Variants in ABHD12 observed in about 807,000 individuals in gnomAD.
ABHD12 encodes lysophosphatidylserine lipase ABHD12.
Under a neutral mutation model 58.3 loss-of-function variants are expected in ABHD12, and 43 were observed. The ratio of observed to expected loss-of-function variants is 0.74; its 90% confidence interval spans 0.58 to 0.95. ABHD12 has a LOEUF of 0.95. ABHD12 is among the 40% of genes least tolerant of loss of function. The pLI is 0.00. For synonymous variants in ABHD12, 219 were observed against 211.2 expected (o/e 1.04, Z -0.32); for missense variants, 539 against 537.2 (o/e 1.00, Z -0.03).
intron 1 of ABHD12, among the ~76,000 whole-genome samples, chr20:25,346,880 G>A (rs2089526486): frequency 1.3e-5 from 2 of 152,126 alleles, no homozygotes; most frequent in African/African-American, 4.8e-5. Flanking sequence ...TCCTGACCTT[G>A]TGATCCACCC....
chr20:25,362,952 C>A (rs1382816584), intron 1 of ABHD12, among the ~76,000 whole-genome samples: 1 of 151,890 alleles, frequency 6.6e-6, no homozygotes, highest in East Asian at 2.0e-4. Flanking sequence ...GGATTACAGG[C>A]GTGAACCACT....
intron 1 of ABHD12, among the ~76,000 whole-genome samples, chr20:25,387,654 C>G (rs1454213990): frequency 1.4e-5 from 2 of 147,928 alleles, no homozygotes; most frequent in Non-Finnish European, 3.0e-5. Context: ...ATGGGAGGAT[C>G]GCCTGAGCCC....
intron 5 of ABHD12, among the ~76,000 whole-genome samples, chr20:25,316,696 T>C (rs998816603): frequency 2.0e-5 from 3 of 151,482 alleles, no homozygotes; most frequent in Admixed American, 6.6e-5. Context: ...CCCAACACTT[T>C]GGGAGGCCAA....
chr20:25,300,562 C>G lies in ABHD12; in HGVS notation c.*283G>C. Reference sequence around the variant, plus strand: ...TGCAGCATCAAGCAGGCAGTGATGGCTGCCTGCTGCCATTAAGTCTCCCAA... The same window carrying G: ...TGCAGCATCAAGCAGGCAGTGATGGGTGCCTGCTGCCATTAAGTCTCCCAA... On this transcript the variant is annotated 3_prime_UTR_variant, in exon 13 of 13. Transcript: ENST00000339157. The G allele has an allele frequency of 7.1e-7, 1 of 1,404,710 alleles. No individual in the cohort carries two copies. The highest frequency in any genetic ancestry group is 9.2e-7 in the Non-Finnish European group (1 of 1,081,214). 87.0% of individuals were successfully genotyped at this position (1,404,710 alleles called of 1,614,324 possible).
chr20:25,301,684 A>T (rs1186956534), intron 12 of ABHD12, among the ~76,000 whole-genome samples: 2 of 152,198 alleles, frequency 1.3e-5, no homozygotes, highest in African/African-American at 2.4e-5. Flanking sequence ...GGTCCATTCC[A>T]CACACTGCCC....
In ABHD12 at chr20:25,306,923, C is replaced by T. The variant is rs1179657273; in HGVS notation, c.868-8G>A. The T allele has an allele frequency of 6.3e-7, 1 of 1,599,678 alleles. No individual in the cohort carries two copies. Among genetic ancestry groups the T allele is most frequent in the Admixed American group, 1.7e-5 (1 of 60,000 alleles). ...AGGGAAGTATCGATATATCTGGAGA[C>T]AAGATGGAAACCATTTTCAGAAGCG... On this transcript the variant is annotated splice_region_variant and splice_polypyrimidine_tract_variant and intron_variant, in intron 9 of 12. Coordinates refer to ENST00000339157, the MANE Select transcript of ABHD12 (RefSeq NM_001042472.3).
At chr20:25,378,129 CA>C (rs1376600373) in intron 1 of ABHD12, among the ~76,000 whole-genome samples, 1 of 152,208 alleles carries the variant, frequency 6.6e-6, no homozygotes, top group Non-Finnish European at 1.5e-5. Flanking sequence ...GAAGATAAAT[CA>C]GTACATAAAA....
At chr20:25,376,933 GA>G (rs948669581) in intron 1 of ABHD12, among the ~76,000 whole-genome samples, 1 of 150,988 alleles carries the variant, frequency 6.6e-6, no homozygotes, top group African/African-American at 2.4e-5. Flanking sequence ...TTTGGAATCA[GA>G]AAAAAAAATC....
chr20:25,363,365 C>T (rs1407964741), intron 1 of ABHD12, among the ~76,000 whole-genome samples: 1 of 151,612 alleles, frequency 6.6e-6, no homozygotes, highest in Non-Finnish European at 1.5e-5. Context: ...ATTACAGGTA[C>T]ACGCACCCAC....
intron 1 of ABHD12, among the ~76,000 whole-genome samples, chr20:25,342,958 C>T (rs1245318659): frequency 6.6e-6 from 1 of 151,626 alleles, no homozygotes; most frequent in Non-Finnish European, 1.5e-5. Context: ...CTATGCCCAG[C>T]TAATTTTTAA....
intron 6 of ABHD12, among the ~76,000 whole-genome samples, chr20:25,310,015 CTTTCT>C (rs2088819378): frequency 6.6e-6 from 1 of 152,188 alleles, no homozygotes; most frequent in Admixed American, 6.5e-5. Flanking sequence ...CTCCCTCTCT[CTTTCT>C]TAACAGGCAA....
Position 25,322,381 on chromosome 20 carries a change from A to ATATATATATATATATATTTTTTTTT in ABHD12, c.422+943_422+944insAAAAAAAAATATATATATATATATA. The stretch of plus-strand genomic sequence containing the variant: ...GGAAAAGATATATATATATATATAT[A>ATATATATATATATATATTTTTTTTT]TTTTTTTTTTTTTTTGAGACAAGAG... On this transcript the variant is annotated intron_variant, in intron 3 of 12. Transcript: ENST00000339157. Among the ~76,000 whole-genome samples the ATATATATATATATATATTTTTTTTT allele has an allele frequency of 3.4e-3, 201 of 59,080 alleles. 3 individuals are homozygous for ATATATATATATATATATTTTTTTTT. The Middle Eastern group carries it at 0.038, about 11-fold the overall frequency. The allele number at this position is 59,080 out of a possible 152,430, so 38.8% of individuals were successfully genotyped here. A position where few individuals can be genotyped will look rare whatever the true frequency, so the allele number is the denominator to read the frequency against.
intron 6 of ABHD12, 71 bp downstream of exon 6, chr20:25,314,854 A>G: frequency 6.4e-7 from 1 of 1,552,816 alleles, no homozygotes; most frequent in Non-Finnish European, 8.9e-7. Context: ...TCTTCGAGTG[A>G]GGCCTGCCCA....
chr20:25,356,990 C>T (rs1320877494), intron 1 of ABHD12, among the ~76,000 whole-genome samples: 1 of 152,150 alleles, frequency 6.6e-6, no homozygotes, highest in Non-Finnish European at 1.5e-5. Context: ...CAAAGAAAGA[C>T]ACAGTAAACT....
chr20:25,307,613 G>GC (rs949010159), intron 9 of ABHD12, among the ~76,000 whole-genome samples: 3 of 152,204 alleles, frequency 2.0e-5, no homozygotes, highest in Non-Finnish European at 1.5e-5. Context: ...ACACAGTCCA[G>GC]CCCCCCAAGC....
chr20:25,311,505 T>C (rs1488806810), intron 6 of ABHD12, among the ~76,000 whole-genome samples: 2 of 152,204 alleles, frequency 1.3e-5, no homozygotes, highest in Non-Finnish European at 2.9e-5. Context: ...TAAAGCACTG[T>C]TTGTGGTAAC....
At chr20:25,318,432 A>G (rs1342634707) in intron 4 of ABHD12, among the ~76,000 whole-genome samples, 1 of 152,242 alleles carries the variant, frequency 6.6e-6, no homozygotes, top group Non-Finnish European at 1.5e-5. Context: ...AATTTCCTAC[A>G]TTAAGCAAAA....
At chr20:25,322,381 A>ATATATATATATATATTT in intron 3 of ABHD12, among the ~76,000 whole-genome samples, 31 of 59,258 alleles carry the variant, frequency 5.2e-4, no homozygotes, top group African/African-American at 2.3e-3. Context: ...ATATATATAT[A>ATATATATATATATATTT]TTTTTTTTTT....
downstream of ABHD12, chr20:25,296,566 C>G: frequency 6.3e-7 from 1 of 1,578,436 alleles, no homozygotes; most frequent in Non-Finnish European, 8.6e-7. Context: ...TGTTTTCTTG[C>G]TGACTTTGCA....
Sources: allele counts gnomAD v4.1 joint callset (sites outside exome capture counted in the v4.1 genomes callset), GRCh38; gene constraint gnomAD v4.1.1; transcripts MANE v1.5; gene names NCBI Gene and HGNC (gene_info 2026-07-23, HGNC 2026-07-21).